The following ZNF208 variants were observed in gnomAD, a reference collection of about 807,000 sequenced individuals.
The protein encoded by ZNF208 is zinc finger protein 95.
ZNF208 carries 10 observed loss-of-function variants against 12.1 expected under a neutral mutation model. That is an observed-to-expected ratio of 0.83 (90% CI 0.51 to 1.40). ZNF208 has a LOEUF of 1.40. Ranked by LOEUF, ZNF208 falls within the 40% of genes most tolerant of loss-of-function variation. The probability of loss-of-function intolerance (pLI) is 0.00; values close to 1 mark genes in which losing one functional copy is unlikely to be tolerated. For synonymous variants in ZNF208, 497 were observed against 488.4 expected (o/e 1.02, Z -0.23); for missense variants, 1,652 against 1,485.0 (o/e 1.11, Z -1.85).
chr19:21,991,645 C>T (rs1325588286), intron 1 of ZNF208: 1 of 148,804 alleles, frequency 6.7e-6, no homozygotes, highest in Non-Finnish European at 1.5e-5. Context: ...GAGGCTGAGG[C>T]AGGAGAATCG....
chr19:21,952,205 C>T (rs182788498), intron 4 of ZNF208, among the ~76,000 whole-genome samples: 8 of 152,350 alleles, frequency 5.3e-5, no homozygotes, highest in South Asian at 4.1e-4. Context: ...CTATAGACTC[C>T]AACTTTGTGA....
chr19:21,974,848 A>C, intron 3 of ZNF208, 41 bp from the exon 4 acceptor site: 4 of 1,480,718 alleles, frequency 2.7e-6, no homozygotes, highest in Non-Finnish European at 3.6e-6. Context: ...TACTTATTAG[A>C]CTCAGATAAA....
chr19:21,992,318 C>G (rs1464975199), intron 1 of ZNF208, among the ~76,000 whole-genome samples: 1 of 152,196 alleles, frequency 6.6e-6, no homozygotes, highest in Non-Finnish European at 1.5e-5. Flanking sequence ...ATATTGCCCC[C>G]TGAAAGGTAA....
At chr19:21,965,184 T>G (rs151223907), downstream of ZNF208, among the ~76,000 whole-genome samples, 332 of 152,118 alleles carry the variant, frequency 2.2e-3, 6 homozygotes, top group Admixed American at 0.019. Context: ...TATGTTCAGG[T>G]TTTTTAGCAT....
chr19:21,971,504 C>A lies in ZNF208; in HGVS notation c.3530G>T (p.Gly1177Val), dbSNP rs879149203. The A allele has an allele frequency of 7.5e-6, 12 of 1,604,908 alleles. No individual in the cohort carries two copies. The highest frequency in any genetic ancestry group is 1.7e-4 in the Middle Eastern group (1 of 6,024). ...KPYKCEECGK[G>V]FVMFSILAKH... ...TGCAAGGATTGAGAACATAACAAAG[C>A]CTTTGCCACATTCTTCACATTTGTA... is the stretch of plus-strand genomic sequence containing the variant. Residue 1177 changes from glycine (G) to valine (V), a missense_variant, in exon 4 of 4, where the codon GGC (glycine) becomes GTC (valine). Physicochemically the swap from Gly to Val is moderately radical, Grantham distance 109 (BLOSUM62 -3). Around this residue, in one of 3 missense-constraint regions of ZNF208, gnomAD observed 1,239 missense variants for 1,086.2 expected, o/e 1.14. Coordinates refer to ENST00000397126, the MANE Select transcript of ZNF208 (RefSeq NM_007153.3).
rs776899649 is a variant in ZNF208, at chr19:21,972,566, T to A, written c.2468A>T (p.His823Leu). ...CTTTTCTCCAGCATGAATTGCCTTA[T>A]GTGTAGTAAGGGTTGAGACCTTACT... ...TFSKVSTLTT[H>L]KAIHAGEKPY... Residue 823 changes from histidine (H) to leucine (L), a missense_variant, in exon 4 of 4, where the codon CAT becomes CTT. Around this residue, in one of 3 missense-constraint regions of ZNF208, gnomAD observed 1,239 missense variants for 1,086.2 expected, o/e 1.14. Transcript: ENST00000397126. 1.2e-6 allele frequency: 2 copies of A among 1,613,618 alleles called. No individual in the cohort carries two copies. The highest frequency in any genetic ancestry group is 1.7e-6 in the Non-Finnish European group (2 of 1,179,892).
At chr19:21,960,404 G>GA (rs1304964369) in intron 4 of ZNF208, among the ~76,000 whole-genome samples, 3 of 151,848 alleles carry the variant, frequency 2.0e-5, no homozygotes, top group Non-Finnish European at 4.4e-5. Context: ...GTAAGAAAAG[G>GA]AAAAAAAGTG....
At chr19:21,994,633 A>G (rs1329847448) in intron 1 of ZNF208, among the ~76,000 whole-genome samples, 1 of 152,104 alleles carries the variant, frequency 6.6e-6, no homozygotes, top group Admixed American at 6.5e-5. Context: ...TGTAAATTTT[A>G]TATTACATAC....
At chr19:21,985,650 C>G (rs1399606145) in intron 3 of ZNF208, among the ~76,000 whole-genome samples, 1 of 152,202 alleles carries the variant, frequency 6.6e-6, no homozygotes, top group Non-Finnish European at 1.5e-5. Context: ...TGTGAGAGGT[C>G]TTTGTCTTCC....
intron 4 of ZNF208, among the ~76,000 whole-genome samples, chr19:21,956,631 G>A (rs1003153627): frequency 6.6e-6 from 1 of 152,170 alleles, no homozygotes; most frequent in African/African-American, 2.4e-5. Context: ...ATGGGACCCT[G>A]TGAGTCAGGT....
intron 3 of ZNF208, 60 bp from the exon 4 acceptor site, chr19:21,974,867 C>A (rs571595118): frequency 2.1e-6 from 3 of 1,442,770 alleles, no homozygotes; most frequent in African/African-American, 2.9e-5. Flanking sequence ...AATACAGTTT[C>A]TAAATCTAAA....
chr19:21,973,589 T>C lies in ZNF208; in HGVS notation c.1445A>G (p.Lys482Arg). ...AGTTGCCTTATCACATTCTTCACAT[T>C]TGTAGGGTTTCTCTCCATTATGAAT... ...KVIHNGEKPYKCEECDKATHA... is the reference protein window; with the variant it reads ...KVIHNGEKPYRCEECDKATHA... The change falls in exon 4 of 4, where the codon AAA becomes AGA. Residue 482 changes from lysine (K) to arginine (R), a missense_variant. Lys to Arg is a conservative substitution (Grantham distance 26, BLOSUM62 2). Transcript: ENST00000397126. The C allele has an allele frequency of 6.2e-7, 1 of 1,612,030 alleles. No homozygotes were observed. The highest frequency in any genetic ancestry group is 8.5e-7 in the Non-Finnish European group (1 of 1,179,536).
intron 4 of ZNF208, among the ~76,000 whole-genome samples, chr19:21,951,657 A>T (rs1162560062): frequency 6.6e-6 from 1 of 152,244 alleles, no homozygotes. Flanking sequence ...ATTATAAAAG[A>T]TTTGTAAAAA....
At chr19:22,004,928 GAA>G (rs1971019394) in intron 1 of ZNF208, among the ~76,000 whole-genome samples, 1 of 152,158 alleles carries the variant, frequency 6.6e-6, no homozygotes. Context: ...AAAGTTAAAA[GAA>G]AACAAAGTCC....
downstream of ZNF208, among the ~76,000 whole-genome samples, chr19:21,965,442 C>T (rs145480569): frequency 2.5e-3 from 375 of 152,104 alleles, 2 homozygotes; most frequent in African/African-American, 8.3e-3. Context: ...CATGCCAGTG[C>T]CCATCTAGGG....
chr19:21,992,578 T>C (rs1382742280), intron 1 of ZNF208, among the ~76,000 whole-genome samples: 1 of 152,198 alleles, frequency 6.6e-6, no homozygotes, highest in African/African-American at 2.4e-5. Context: ...CACAACATTA[T>C]ATGTTCTGTC....
chr19:21,951,174 G>A (rs1304477490), intron 4 of ZNF208, among the ~76,000 whole-genome samples: 3 of 152,196 alleles, frequency 2.0e-5, no homozygotes, highest in African/African-American at 4.8e-5. Context: ...CAACCTGCCA[G>A]CTTCACAATT....
Position 21,970,403 on chromosome 19 carries a change from A to C in ZNF208, c.*788T>G, listed in dbSNP as rs1970256937. ...ATGAATGTTTAGTAAGGATTGAGGAATAGCTAAAAGGCTTGCCACATTCTT... is the reference window on the plus strand; with the variant it reads ...ATGAATGTTTAGTAAGGATTGAGGACTAGCTAAAAGGCTTGCCACATTCTT... On this transcript the variant is annotated 3_prime_UTR_variant, in exon 4 of 4. Coordinates refer to ENST00000397126, the MANE Select transcript of ZNF208 (RefSeq NM_007153.3). Among the ~76,000 whole-genome samples, 1 of 152,178 alleles carries C rather than the reference A, an allele frequency of 6.6e-6. No individual in the cohort carries two copies. Among genetic ancestry groups the C allele is most frequent in the Non-Finnish European group, 1.5e-5 (1 of 68,010 alleles).
chr19:22,009,525 A>G (rs1971104146), intron 1 of ZNF208: 1 of 152,044 alleles, frequency 6.6e-6, no homozygotes, highest in Non-Finnish European at 1.5e-5. Context: ...GAAGCAGGTG[A>G]ATCACTTGAA....
Sources: allele counts gnomAD v4.1 joint callset (sites outside exome capture counted in the v4.1 genomes callset), GRCh38; gene constraint gnomAD v4.1.1; regional missense constraint gnomAD v4.1.1; transcripts MANE v1.5; gene names NCBI Gene and HGNC (gene_info 2026-07-23, HGNC 2026-07-21).